The following MEF2C variants were observed in gnomAD, a reference collection of about 807,000 sequenced individuals.
The protein encoded by MEF2C is myocyte-specific enhancer factor 2C.
A neutral mutation model predicts 50.5 loss-of-function variants in MEF2C; 6 were observed. The ratio of observed to expected loss-of-function variants is 0.12; its 90% CI spans 0.07 to 0.23. The LOEUF is 0.23. MEF2C is among the 10% of genes least tolerant of loss of function. MEF2C has a pLI of 1.00. For synonymous variants in MEF2C, 183 were observed against 228.0 expected, an observed-to-expected ratio of 0.80 and a Z score of 1.78; for missense variants, 276 against 605.0, an observed-to-expected ratio of 0.46 and a Z score of 5.70.
intron 1 of MEF2C, among the ~76,000 whole-genome samples, chr5:88,862,199 T>C (rs888378471): frequency 6.6e-6 from 1 of 152,254 alleles, no homozygotes; most frequent in Non-Finnish European, 1.5e-5. Context: ...TGGTTCATTT[T>C]ATGGTAAGGC....
At chr5:88,895,291 A>G (rs1284782588) in intron 1 of MEF2C, among the ~76,000 whole-genome samples, 2 of 152,196 alleles carry the variant, frequency 1.3e-5, no homozygotes, top group African/African-American at 4.8e-5. Context: ...TATTATATCA[A>G]GAAGTCTTAC....
At position 88,720,088 on chromosome 5, in the gene MEF2C, T is replaced by C. The variant is rs1486195904; in HGVS notation, c.*2516A>G. ...ACTGATATTGATATACTAAAGTATT[T>C]TGAAATGACAAAGAACATTTGTGAA... On this transcript the variant is annotated 3_prime_UTR_variant, in exon 11 of 11. Transcript: ENST00000504921. The C allele has an allele frequency of 6.6e-6, 1 of 152,186 alleles. No individual in the cohort carries two copies. The highest frequency in any genetic ancestry group is 2.4e-5 in the African/African-American group (1 of 41,462). The allele number at this position is 152,186 out of a possible 1,614,324, so 9.4% of individuals were successfully genotyped here.
chr5:88,767,585 C>T (rs530334847), intron 3 of MEF2C, among the ~76,000 whole-genome samples: 1 of 152,130 alleles, frequency 6.6e-6, no homozygotes, highest in Non-Finnish European at 1.5e-5. Context: ...CTGTATTTCT[C>T]TAGGTTATTT....
intron 3 of MEF2C, among the ~76,000 whole-genome samples, chr5:88,768,065 G>T (rs1162120043): frequency 1.3e-5 from 2 of 152,144 alleles, no homozygotes; most frequent in African/African-American, 4.8e-5. Context: ...CTGACACATT[G>T]TCTCCTCTCT....
At chr5:88,869,986 G>A (rs1001369453) in intron 1 of MEF2C, among the ~76,000 whole-genome samples, 1 of 150,884 alleles carries the variant, frequency 6.6e-6, no homozygotes, top group Non-Finnish European at 1.5e-5. Context: ...TGGTACTTAC[G>A]GCCATATCCT....
intron 2 of MEF2C, among the ~76,000 whole-genome samples, chr5:88,813,450 C>T (rs1490823277): frequency 2.0e-5 from 3 of 152,010 alleles, no homozygotes; most frequent in Non-Finnish European, 2.9e-5. Context: ...CGCCTGCCCC[C>T]TCCCTCACCC....
intron 2 of MEF2C, among the ~76,000 whole-genome samples, chr5:88,812,114 C>T (rs1400471525): frequency 6.6e-6 from 1 of 152,140 alleles, no homozygotes; most frequent in Non-Finnish European, 1.5e-5. Context: ...TTGAAACATA[C>T]TGTAAAAGAC....
At chr5:88,899,139 T>A (rs1385520997) in intron 1 of MEF2C, among the ~76,000 whole-genome samples, 16 of 152,110 alleles carry the variant, frequency 1.1e-4, no homozygotes, top group African/African-American at 3.9e-4. Flanking sequence ...ATAACATAAT[T>A]TTGAGAATGA....
chr5:88,776,987 G>C (rs1785109055), intron 3 of MEF2C, among the ~76,000 whole-genome samples: 2 of 152,202 alleles, frequency 1.3e-5, no homozygotes, highest in South Asian at 4.1e-4. Flanking sequence ...CTGGCCTCCT[G>C]GCTGCCTGAT....
At chr5:88,725,765 C>G (rs188434428) in intron 10 of MEF2C, among the ~76,000 whole-genome samples, 1 of 152,236 alleles carries the variant, frequency 6.6e-6, no homozygotes, top group Admixed American at 6.5e-5. Context: ...GACTATCAAA[C>G]TATATTTAAC....
At chr5:88,791,410 A>G (rs1243652965) in intron 3 of MEF2C, among the ~76,000 whole-genome samples, 1 of 152,156 alleles carries the variant, frequency 6.6e-6, no homozygotes, top group African/African-American at 2.4e-5. Context: ...ATAAAAGTCT[A>G]TATTTTGAAC....
intron 4 of MEF2C, 39 bp downstream of exon 4, chr5:88,761,146 T>C (rs1294290941): frequency 1.9e-6 from 3 of 1,613,878 alleles, no homozygotes; most frequent in Non-Finnish European, 2.5e-6. Flanking sequence ...CAGAGAAATA[T>C]CAAGAGTAAA....
At chr5:88,790,323 T>C (rs879567498) in intron 3 of MEF2C, among the ~76,000 whole-genome samples, 2 of 152,212 alleles carry the variant, frequency 1.3e-5, no homozygotes, top group South Asian at 2.1e-4. Context: ...GAAATACATG[T>C]TTGGAAAAGG....
At chr5:88,819,174 C>T (rs1027972963) in intron 2 of MEF2C, among the ~76,000 whole-genome samples, 1 of 151,782 alleles carries the variant, frequency 6.6e-6, no homozygotes, top group Admixed American at 6.6e-5. Context: ...TGCCTCTTAG[C>T]CATTTGATTA....
At chr5:88,737,534 G>C in intron 6 of MEF2C, 1 of 985,328 alleles carries the variant, frequency 1.0e-6, no homozygotes, top group Non-Finnish European at 1.2e-6. Context: ...GTTATATCAA[G>C]GTAAATCTCA....
chr5:88,777,777 A>G (rs1785523870), intron 3 of MEF2C, among the ~76,000 whole-genome samples: 1 of 152,102 alleles, frequency 6.6e-6, no homozygotes, highest in African/African-American at 2.4e-5. Flanking sequence ...ACCAATATGT[A>G]GGTACTATCT....
At chr5:88,833,155 A>G (rs1320336817) in intron 1 of MEF2C, among the ~76,000 whole-genome samples, 1 of 152,160 alleles carries the variant, frequency 6.6e-6, no homozygotes, top group Non-Finnish European at 1.5e-5. Flanking sequence ...CTGATCATCT[A>G]TTCACTTAAT....
At chr5:88,822,255 A>C (rs1479127564) in intron 2 of MEF2C, among the ~76,000 whole-genome samples, 2 of 151,956 alleles carry the variant, frequency 1.3e-5, no homozygotes, top group Non-Finnish European at 2.9e-5. Flanking sequence ...GACTATACTC[A>C]AAATAGGTTC....
intron 1 of MEF2C, among the ~76,000 whole-genome samples, chr5:88,897,741 T>C (rs1835262612): frequency 6.6e-6 from 1 of 152,182 alleles, no homozygotes; most frequent in South Asian, 2.1e-4. Flanking sequence ...AAAGGTAAAG[T>C]CTATACTTGT....
Sources: allele counts gnomAD v4.1 joint callset (sites outside exome capture counted in the v4.1 genomes callset), GRCh38; gene constraint gnomAD v4.1.1; transcripts MANE v1.5; gene names NCBI Gene and HGNC (gene_info 2026-07-23, HGNC 2026-07-21).